Variants in HTR4 observed in about 807,000 individuals in gnomAD.
HTR4 encodes the protein 5-hydroxytryptamine receptor 4, also known as 5-hydroxytryptamine (serotonin) receptor 4, G protein-coupled.
A neutral mutation model predicts 36.8 loss-of-function variants in HTR4; 16 were observed. The observed-to-expected ratio is 0.43, with a 90% CI of 0.29 to 0.66. The LOEUF (loss-of-function observed/expected upper bound fraction) is 0.66, where lower values mean the gene tolerates loss of function less well. Among genes scored for constraint, HTR4 ranks in the 30% least tolerant of loss-of-function variants. The probability of loss-of-function intolerance (pLI) is 0.13; values close to 1 mark genes in which losing one functional copy is unlikely to be tolerated. For missense variants in HTR4, 438 were observed against 490.9 expected, an observed-to-expected ratio of 0.89 and a Z score of 1.02; for synonymous variants, 189 against 185.1, an observed-to-expected ratio of 1.02 and a Z score of -0.17.
chr5:148,636,412 T>C (rs1282923599), intron 2 of HTR4, among the ~76,000 whole-genome samples: 1 of 152,206 alleles, frequency 6.6e-6, no homozygotes, highest in African/African-American at 2.4e-5. Flanking sequence ...TACTATTTGA[T>C]TGTGCCAAAT....
chr5:148,623,061 TG>T (rs1405545885), intron 2 of HTR4, among the ~76,000 whole-genome samples: 1 of 151,846 alleles, frequency 6.6e-6, no homozygotes, highest in Non-Finnish European at 1.5e-5. Flanking sequence ...AAAAGAGTGT[TG>T]GGCAGAGTGC....
intron 5 of HTR4, among the ~76,000 whole-genome samples, chr5:148,460,289 A>G (rs1335194399): frequency 6.6e-6 from 1 of 152,174 alleles, no homozygotes; most frequent in African/African-American, 2.4e-5. Flanking sequence ...CTATAGATCC[A>G]GGAAGCTCAG....
chr5:148,463,521 T>C (rs1186994726), intron 5 of HTR4, among the ~76,000 whole-genome samples: 1 of 152,016 alleles, frequency 6.6e-6, no homozygotes, highest in East Asian at 1.9e-4. Flanking sequence ...AATTGTAAAA[T>C]ATGTACAAGA....
chr5:148,552,725 A>C (rs796217969), intron 2 of HTR4, among the ~76,000 whole-genome samples: 13 of 152,308 alleles, frequency 8.5e-5, no homozygotes, highest in African/African-American at 3.1e-4. Flanking sequence ...TCTGTGCCCC[A>C]ATTCCACAGA....
chr5:148,490,181 G>C (rs1406449626), intron 6 of HTR4, among the ~76,000 whole-genome samples: 5 of 147,392 alleles, frequency 3.4e-5, no homozygotes, highest in African/African-American at 1.2e-4. Context: ...ACATATATAT[G>C]TATGTGTGTG....
At chr5:148,648,198 A>G (rs1753930112) in intron 1 of HTR4, among the ~76,000 whole-genome samples, 1 of 152,184 alleles carries the variant, frequency 6.6e-6, no homozygotes, top group Non-Finnish European at 1.5e-5. Flanking sequence ...AAGGGCAACA[A>G]CAGAGTTTTT....
At position 148,654,314 on chromosome 5, in the gene HTR4, C is replaced by G; in HGVS notation, c.-300G>C. On this transcript the variant is annotated 5_prime_UTR_variant, in exon 1 of 7. Transcript: ENST00000377888. ...GGCTCGCCGCGCATCGTCCTTCTCC[C>G]CAACCGAGCCGGACTCCACGGGCTC... 1.0e-6 allele frequency: 1 copy of G among 984,862 alleles called. No homozygotes were observed. Among genetic ancestry groups the G allele is most frequent in the Non-Finnish European group, 1.2e-6 (1 of 829,442 alleles). 61.0% of individuals were successfully genotyped at this position (984,862 alleles called of 1,614,324 possible). A position where few individuals can be genotyped will look rare whatever the true frequency, so the allele number is the denominator to read the frequency against.
At position 148,548,742 on chromosome 5, in the gene HTR4, A is replaced by G; in HGVS notation, c.279T>C (p.Cys93=). The G allele has an allele frequency of 1.9e-6, 3 of 1,613,672 alleles. No homozygotes were observed. The highest frequency in any genetic ancestry group is 2.5e-6 in the Non-Finnish European group (3 of 1,179,774). Residue 93 remains cysteine (C), a synonymous_variant, in exon 4 of 7, where the codon TGT becomes TGC. Coordinates refer to ENST00000377888, the MANE Select transcript of HTR4 (RefSeq NM_000870.7). ...QDIWIYGEVF[C]LVRTSLDVLL... ...GGACGTCCAGAGATGTCCGAACAAG[A>G]CAAAACACCTCCCCATAAATCCAGA...
At chr5:148,612,964 C>T (rs1477631138) in intron 2 of HTR4, among the ~76,000 whole-genome samples, 1 of 145,906 alleles carries the variant, frequency 6.9e-6, no homozygotes, top group Non-Finnish European at 1.5e-5. Flanking sequence ...CATACACTCT[C>T]CCAAGACTAA....
At chr5:148,586,876 C>T (rs1280782996) in intron 2 of HTR4, among the ~76,000 whole-genome samples, 1 of 152,216 alleles carries the variant, frequency 6.6e-6, no homozygotes, top group Non-Finnish European at 1.5e-5. Flanking sequence ...CTCCTTTACT[C>T]TCTGCTGCCC....
intron 6 of HTR4, among the ~76,000 whole-genome samples, chr5:148,502,778 C>G (rs1057049554): frequency 3.3e-5 from 5 of 152,156 alleles, no homozygotes; most frequent in African/African-American, 9.7e-5. Flanking sequence ...CTAGAATAAC[C>G]AGTGTGGAGT....
intron 2 of HTR4, among the ~76,000 whole-genome samples, chr5:148,636,462 A>G (rs1227495778): frequency 6.6e-6 from 1 of 152,198 alleles, no homozygotes; most frequent in African/African-American, 2.4e-5. Context: ...CCTAGGAGTC[A>G]GACTACTATT....
intron 5 of HTR4, among the ~76,000 whole-genome samples, chr5:148,457,958 T>C (rs1326638126): frequency 1.1e-4 from 15 of 133,186 alleles, no homozygotes; most frequent in Non-Finnish European, 2.3e-4. Context: ...ATTAAATATA[T>C]ATTAAAATAT....
chr5:148,546,112 T>C (rs1469624823), intron 4 of HTR4, among the ~76,000 whole-genome samples: 1 of 152,152 alleles, frequency 6.6e-6, no homozygotes, highest in Non-Finnish European at 1.5e-5. Context: ...AATAACTACC[T>C]GGTTTCTAGA....
intron 2 of HTR4, among the ~76,000 whole-genome samples, chr5:148,573,799 C>T (rs1023495223): frequency 1.3e-5 from 2 of 151,816 alleles, no homozygotes; most frequent in African/African-American, 4.8e-5. Flanking sequence ...TCCCTAACAC[C>T]AGAGTGTTGC....
At chr5:148,477,025 A>C (rs560990573), downstream of HTR4, among the ~76,000 whole-genome samples, 2 of 152,312 alleles carry the variant, frequency 1.3e-5, no homozygotes, top group South Asian at 2.1e-4. Flanking sequence ...AAACTCTAAC[A>C]GTGGACTTAC....
downstream of HTR4, chr5:148,481,485 A>G: frequency 7.6e-7 from 1 of 1,318,894 alleles, no homozygotes; most frequent in Non-Finnish European, 1.0e-6. Flanking sequence ...TTCCTTCCCT[A>G]AAACATGACT....
At chr5:148,643,490 C>T (rs1401414775) in intron 1 of HTR4, among the ~76,000 whole-genome samples, 1 of 151,820 alleles carries the variant, frequency 6.6e-6, no homozygotes, top group African/African-American at 2.4e-5. Flanking sequence ...AAAACAGGAC[C>T]AATTAAGTGT....
At chr5:148,500,072 T>C (rs190274129) in intron 6 of HTR4, among the ~76,000 whole-genome samples, 1 of 152,312 alleles carries the variant, frequency 6.6e-6, no homozygotes, top group East Asian at 1.9e-4. Flanking sequence ...TATTCATTTA[T>C]AGCAACACAA....
Sources: gnomAD v4.1 joint callset for allele counts (sites outside exome capture counted in the v4.1 genomes callset) on GRCh38, gnomAD v4.1.1 for gene constraint, MANE v1.5 for transcripts, NCBI Gene and HGNC (gene_info 2026-07-23, HGNC 2026-07-21) for gene names.